PDE1A: variants seen among roughly 807,000 people sequenced by gnomAD.
PDE1A encodes phosphodiesterase 1A, also known as dual specificity calcium/calmodulin-dependent 3',5'-cyclic nucleotide phosphodiesterase 1A.
PDE1A carries 35 observed loss-of-function variants against 61.7 expected under a neutral mutation model. That is an observed-to-expected ratio of 0.57 (90% CI 0.43 to 0.75). PDE1A has a LOEUF of 0.75. Among genes scored for constraint, PDE1A ranks in the 30% least tolerant of loss-of-function variants. PDE1A has a pLI of 0.00. For missense variants in PDE1A, 597 were observed against 630.6 expected, an observed-to-expected ratio of 0.95 and a Z score of 0.57; for synonymous variants, 232 against 213.2, an observed-to-expected ratio of 1.09 and a Z score of -0.77.
At chr2:182,537,102 T>C in the PDE1A span, among the ~76,000 whole-genome samples, 2 of 152,194 alleles carry the variant, frequency 1.3e-5, no homozygotes, top group African/African-American at 4.8e-5. Context: ...TCACAGAAAC[T>C]GTGAGAAATA....
At chr2:182,606,353 T>C in the PDE1A span, among the ~76,000 whole-genome samples, 1 of 152,168 alleles carries the variant, frequency 6.6e-6, no homozygotes, top group Non-Finnish European at 1.5e-5. Context: ...TAATTTTTTG[T>C]ATCTTTAGTA....
intron 1 of PDE1A, among the ~76,000 whole-genome samples, chr2:182,316,163 A>G (rs775343083): frequency 3.3e-5 from 5 of 152,204 alleles, no homozygotes; most frequent in Non-Finnish European, 7.3e-5. Flanking sequence ...CAAGATGCAC[A>G]TCAGATTATT....
the PDE1A span, among the ~76,000 whole-genome samples, chr2:182,671,692 TCA>T: frequency 6.8e-6 from 1 of 147,542 alleles, no homozygotes; most frequent in Non-Finnish European, 1.5e-5. Context: ...CGATCTCAGC[TCA>T]CTGCAAGCTA....
intron 7 of PDE1A, among the ~76,000 whole-genome samples, chr2:182,215,720 A>T (rs1487535835): frequency 2.8e-5 from 3 of 107,512 alleles, no homozygotes; most frequent in African/African-American, 1.1e-4. Flanking sequence ...AACCAGGAAG[A>T]AGTTGAATCT....
chr2:182,590,611 C>G, the PDE1A span, among the ~76,000 whole-genome samples: 1 of 152,204 alleles, frequency 6.6e-6, no homozygotes, highest in African/African-American at 2.4e-5. Flanking sequence ...TTTAAATAAC[C>G]AAGAGACTTT....
chr2:182,687,313 T>A, the PDE1A span, among the ~76,000 whole-genome samples: 1 of 152,168 alleles, frequency 6.6e-6, no homozygotes, highest in Non-Finnish European at 1.5e-5. Flanking sequence ...CACACAGGGC[T>A]GGGTTTCCCT....
chr2:182,470,611 G>C (rs571048721), intron 2 of PDE1A, among the ~76,000 whole-genome samples: 15 of 151,884 alleles, frequency 9.9e-5, no homozygotes, highest in African/African-American at 3.4e-4. Flanking sequence ...AAAGTGGAGG[G>C]GCCTCCACTA....
chr2:182,590,216 A>G, the PDE1A span, among the ~76,000 whole-genome samples: 2 of 152,180 alleles, frequency 1.3e-5, no homozygotes, highest in African/African-American at 4.8e-5. Flanking sequence ...CTATAATCTC[A>G]GCAATTTAAG....
intron 1 of PDE1A, among the ~76,000 whole-genome samples, chr2:182,316,831 T>C (rs1291934003): frequency 2.0e-5 from 3 of 152,164 alleles, no homozygotes; most frequent in African/African-American, 7.2e-5. Flanking sequence ...ACATGGACAT[T>C]TGTCTCATTT....
chr2:182,228,538 T>G (rs2568677), intron 6 of PDE1A, among the ~76,000 whole-genome samples: 50 of 152,264 alleles, frequency 3.3e-4, no homozygotes, highest in African/African-American at 1.1e-3. Context: ...TAAAGCTTTT[T>G]TGTTTCAAAG....
At position 182,171,095 on chromosome 2, in the gene PDE1A, G is replaced by A. The variant is rs538439823; in HGVS notation, c.1517-2805C>T. 7.9e-5 allele frequency among the ~76,000 whole-genome samples: 12 copies of A among 151,822 alleles called. No individual in the cohort carries two copies. In the South Asian group the frequency reaches 2.3e-3, roughly 29 times the overall value. On this transcript the variant is annotated intron_variant, in intron 13 of 13. Coordinates refer to ENST00000351439, the Ensembl canonical transcript of PDE1A. ...TATTCCCATTTTTTTGTTTCCTACT[G>A]AGAAAATGTATGAGCTTTTCTAGCA...
chr2:182,470,480 C>T (rs1462522317), intron 2 of PDE1A, among the ~76,000 whole-genome samples: 1 of 151,760 alleles, frequency 6.6e-6, no homozygotes, highest in Non-Finnish European at 1.5e-5. Flanking sequence ...TAACAGTAAA[C>T]AAGAAGACAG....
intron 2 of PDE1A, among the ~76,000 whole-genome samples, chr2:182,454,425 G>A (rs1685754470): frequency 1.3e-5 from 2 of 151,990 alleles, no homozygotes; most frequent in South Asian, 4.2e-4. Flanking sequence ...CTACTTTAAA[G>A]TTCATATGGA....
chr2:182,531,228 A>G, the PDE1A span, among the ~76,000 whole-genome samples: 1 of 151,958 alleles, frequency 6.6e-6, no homozygotes, highest in Non-Finnish European at 1.5e-5. Context: ...AACAGAAACA[A>G]AAAACAGAAG....
intron 13 of PDE1A, chr2:182,168,305 A>AT: frequency 6.6e-7 from 1 of 1,504,066 alleles, no homozygotes; most frequent in Non-Finnish European, 9.1e-7. Context: ...AAAAAAAAAA[A>AT]GCGTACTTAT....
chr2:182,587,657 T>A, the PDE1A span, among the ~76,000 whole-genome samples: 8 of 152,192 alleles, frequency 5.3e-5, no homozygotes. Flanking sequence ...ATCAAATCGA[T>A]GGCTGATCGG....
At chr2:182,169,903 C>A (rs1037369149) in intron 13 of PDE1A, among the ~76,000 whole-genome samples, 3 of 76,852 alleles carry the variant, frequency 3.9e-5, no homozygotes, top group Non-Finnish European at 8.6e-5. Flanking sequence ...CACACACACA[C>A]ACACACACAC....
chr2:182,197,126 G>A (rs781497882), intron 10 of PDE1A, among the ~76,000 whole-genome samples: 2 of 151,416 alleles, frequency 1.3e-5, no homozygotes, highest in Non-Finnish European at 3.0e-5. Flanking sequence ...ATTCTCATGG[G>A]GCTATATGAT....
At chr2:182,682,474 G>A in the PDE1A span, among the ~76,000 whole-genome samples, 3 of 152,176 alleles carry the variant, frequency 2.0e-5, no homozygotes, top group East Asian at 5.8e-4. Context: ...CAGATGCAAT[G>A]ATCTAGTAAG....
Sources: gnomAD v4.1 joint callset for allele counts (sites outside exome capture counted in the v4.1 genomes callset) on GRCh38, gnomAD v4.1.1 for gene constraint, MANE v1.5 for transcripts, NCBI Gene and HGNC (gene_info 2026-07-23, HGNC 2026-07-21) for gene names.